Variants in LRRFIP2 observed in about 807,000 individuals in gnomAD.
LRRFIP2 encodes the protein leucine-rich repeat flightless-interacting protein 2.
In LRRFIP2, 109 loss-of-function variants were observed where a neutral mutation model predicts 125.9. That is an observed-to-expected ratio of 0.87 (90% CI 0.74 to 1.01). LRRFIP2 has a LOEUF of 1.01. LRRFIP2 is among the 50% of genes least tolerant of loss of function. The probability of loss-of-function intolerance (pLI) is 0.00; values close to 1 mark genes in which losing one functional copy is unlikely to be tolerated. For synonymous variants in LRRFIP2, 291 were observed against 293.1 expected, an observed-to-expected ratio of 0.99 and a Z score of 0.07; for missense variants, 850 against 862.3, an observed-to-expected ratio of 0.99 and a Z score of 0.18.
chr3:37,118,998 A>C (rs173051), intron 6 of LRRFIP2, among the ~76,000 whole-genome samples: 1 of 152,064 alleles, frequency 6.6e-6, no homozygotes, highest in Non-Finnish European at 1.5e-5. Context: ...CTTAGAACTC[A>C]CAATATTATT....
Position 37,110,882 on chromosome 3 carries a change from T to A in LRRFIP2, c.513+109A>T, listed in dbSNP as rs2094523464. 31 of 877,614 alleles carry A rather than the reference T, an allele frequency of 3.5e-5. No individual in the cohort carries two copies. In the South Asian group the frequency reaches 4.8e-4, roughly 14 times the overall value. The allele number at this position is 877,614 out of a possible 1,614,324, so 54.4% of individuals were successfully genotyped here. On this transcript the variant is annotated intron_variant, in intron 9 of 27. Coordinates refer to ENST00000336686, the MANE Select transcript of LRRFIP2 (RefSeq NM_006309.4). ...AATTCAGTTACCAAAAACTAGTATATACGTAGCCATTTACAGATTAGTTAC... is the reference window on the plus strand; with the variant it reads ...AATTCAGTTACCAAAAACTAGTATAAACGTAGCCATTTACAGATTAGTTAC...
chr3:37,149,807 C>G (rs1279133751), intron 1 of LRRFIP2, among the ~76,000 whole-genome samples: 1 of 151,606 alleles, frequency 6.6e-6, no homozygotes, highest in Non-Finnish European at 1.5e-5. Context: ...TCGAGACCAG[C>G]CTGGCCAACA....
At chr3:37,076,896 A>G (rs973257192) in intron 19 of LRRFIP2, among the ~76,000 whole-genome samples, 3 of 152,160 alleles carry the variant, frequency 2.0e-5, no homozygotes, top group African/African-American at 7.2e-5. Flanking sequence ...ACTAGAAAGA[A>G]AGAAAACACT....
intron 21 of LRRFIP2, among the ~76,000 whole-genome samples, chr3:37,071,387 T>C (rs918413759): frequency 2.0e-5 from 3 of 152,160 alleles, no homozygotes; most frequent in South Asian, 4.1e-4. Flanking sequence ...TAAAATTCTT[T>C]TGCAGAGACA....
chr3:37,090,626 T>TA (rs1559792670), intron 18 of LRRFIP2, among the ~76,000 whole-genome samples: 2 of 152,162 alleles, frequency 1.3e-5, no homozygotes, highest in African/African-American at 4.8e-5. Flanking sequence ...GAATGACATG[T>TA]GAGGAAAAGA....
At chr3:37,155,345 A>G (rs1013313077) in intron 1 of LRRFIP2, among the ~76,000 whole-genome samples, 3 of 152,236 alleles carry the variant, frequency 2.0e-5, no homozygotes, top group Admixed American at 1.3e-4. Flanking sequence ...ACTTTTAACT[A>G]AACAAAAATA....
chr3:37,121,331 G>C (rs1188989803), intron 6 of LRRFIP2, 161 bp downstream of exon 6: 1 of 647,296 alleles, frequency 1.5e-6, no homozygotes, highest in Non-Finnish European at 2.7e-6. Flanking sequence ...ACAATAATTT[G>C]AAAGAAAGCA....
At position 37,053,476 on chromosome 3, in the gene LRRFIP2, C is replaced by G. The variant is rs1160846875; in HGVS notation, c.*375G>C. 5.2e-6 allele frequency: 1 copy of G among 191,328 alleles called. No individual in the cohort carries two copies. Among genetic ancestry groups the G allele is most frequent in the Non-Finnish European group, 1.1e-5 (1 of 91,280 alleles). The allele number at this position is 191,328 out of a possible 1,614,324, so 11.9% of individuals were successfully genotyped here. On this transcript the variant is annotated 3_prime_UTR_variant, in exon 28 of 28. Transcript: ENST00000336686. ...AGAAGGCACTTGTGTTTTCTGAGGT[C>G]TCCAGCAAGTATCTCAGTGAGCACT...
At chr3:37,082,743 T>C (rs1006101548) in intron 19 of LRRFIP2, among the ~76,000 whole-genome samples, 1 of 152,192 alleles carries the variant, frequency 6.6e-6, no homozygotes, top group Admixed American at 6.5e-5. Context: ...ACTTTTTGAA[T>C]GTGACCAAAA....
chr3:37,104,770 A>T (rs1249243296), intron 14 of LRRFIP2, among the ~76,000 whole-genome samples: 1 of 152,196 alleles, frequency 6.6e-6, no homozygotes, highest in Non-Finnish European at 1.5e-5. Flanking sequence ...TGCCTCTACA[A>T]TTATTATCCA....
intron 1 of LRRFIP2, among the ~76,000 whole-genome samples, chr3:37,165,930 G>C (rs930544061): frequency 6.6e-6 from 1 of 152,092 alleles, no homozygotes; most frequent in African/African-American, 2.4e-5. Context: ...CATAAAACTC[G>C]TAGGAGAAAA....
intron 17 of LRRFIP2, 33 bp downstream of exon 17, chr3:37,094,759 C>T: frequency 1.4e-6 from 2 of 1,449,926 alleles, no homozygotes; most frequent in Middle Eastern, 3.5e-4. Flanking sequence ...CAAAAAACTG[C>T]TTTTAAAAAG....
chr3:37,093,251 G>A (rs937261151), intron 17 of LRRFIP2: 3 of 152,862 alleles, frequency 2.0e-5, no homozygotes, highest in African/African-American at 7.2e-5. Context: ...TACAATCTTA[G>A]TCACCGCCTG....
intron 18 of LRRFIP2, among the ~76,000 whole-genome samples, chr3:37,088,718 G>T (rs2093246596): frequency 6.6e-6 from 1 of 152,028 alleles, no homozygotes; most frequent in South Asian, 2.1e-4. Flanking sequence ...GATCGCTTGA[G>T]TCCAGGAGTT....
At chr3:37,089,788 T>C (rs1394136044) in intron 18 of LRRFIP2, among the ~76,000 whole-genome samples, 1 of 152,228 alleles carries the variant, frequency 6.6e-6, no homozygotes, top group African/African-American at 2.4e-5. Flanking sequence ...CTTTAATATA[T>C]TTATTTAATG....
At chr3:37,141,851 G>A (rs972175886) in intron 2 of LRRFIP2, among the ~76,000 whole-genome samples, 4 of 152,174 alleles carry the variant, frequency 2.6e-5, no homozygotes, top group African/African-American at 4.8e-5. Flanking sequence ...AGTAGCTACT[G>A]GCTCACGATC....
chr3:37,091,307 G>GA (rs1212475100), intron 18 of LRRFIP2, among the ~76,000 whole-genome samples, 160 bp downstream of exon 18: 1 of 152,180 alleles, frequency 6.6e-6, no homozygotes, highest in Non-Finnish European at 1.5e-5. Flanking sequence ...AGCAGAGATT[G>GA]AAAGTTCACC....
intron 2 of LRRFIP2, among the ~76,000 whole-genome samples, chr3:37,136,161 T>G (rs1383406459): frequency 6.6e-6 from 1 of 152,212 alleles, no homozygotes; most frequent in African/African-American, 2.4e-5. Flanking sequence ...GAAAACATTT[T>G]GCTAAGTCAA....
chr3:37,126,007 AGTT>A (rs1415489297), intron 4 of LRRFIP2, among the ~76,000 whole-genome samples: 2 of 133,500 alleles, frequency 1.5e-5, no homozygotes, highest in African/African-American at 2.6e-5. Flanking sequence ...CCAAAGAATC[AGTT>A]TTTTTGTTGT....
Sources: allele counts gnomAD v4.1 joint callset (sites outside exome capture counted in the v4.1 genomes callset), GRCh38; gene constraint gnomAD v4.1.1; transcripts MANE v1.5; gene names NCBI Gene and HGNC (gene_info 2026-07-23, HGNC 2026-07-21).